ST3GAL6: variants seen among roughly 807,000 people sequenced by gnomAD.
ST3GAL6 encodes ST3 beta-galactoside alpha-2,3-sialyltransferase 6, also known as type 2 lactosamine alpha-2,3-sialyltransferase.
In ST3GAL6, 31 loss-of-function variants were observed where a neutral mutation model predicts 40.5. The ratio of observed to expected loss-of-function variants is 0.77; its 90% confidence interval spans 0.58 to 1.03. ST3GAL6 has a LOEUF of 1.03. Ranked by LOEUF, ST3GAL6 falls within the 50% of genes least tolerant of loss-of-function variation. The pLI, the probability that ST3GAL6 is intolerant of heterozygous loss-of-function variation, is 0.00. For synonymous variants in ST3GAL6, 129 were observed against 136.9 expected, an observed-to-expected ratio of 0.94 and a Z score of 0.40; for missense variants, 357 against 393.2, an observed-to-expected ratio of 0.91 and a Z score of 0.78.
Position 98,773,974 on chromosome 3 carries a change from A to T in ST3GAL6, c.326A>T (p.Glu109Val), listed in dbSNP as rs778250832. ...SKLQSCDLFD[E>V]FDNIPCKKCV... ...CTGCAGAGTTGTGATCTCTTTGATGAGTTTGACAAGTGAGTTTATTTCCTT... is the reference window on the plus strand; with the variant it reads ...CTGCAGAGTTGTGATCTCTTTGATGTGTTTGACAAGTGAGTTTATTTCCTT... Residue 109 changes from glutamate (E) to valine (V), a missense_variant, in exon 5 of 10, where the codon GAG (glutamate) becomes GTG (valine). By Grantham distance (121) the Glu-to-Val change is moderately radical. Coordinates refer to ENST00000483910, the MANE Select transcript of ST3GAL6 (RefSeq NM_001323368.2). 4 of 1,612,304 alleles carry T rather than the reference A, an allele frequency of 2.5e-6. No individual in the cohort carries two copies. In the African/African-American group the frequency reaches 5.3e-5, roughly 22 times the overall value.
rs774369138 is a variant in ST3GAL6 at position 98,773,921 on chromosome 3, G to T, written c.273G>T (p.Ala91=). The part of the protein sequence containing the change: ...FDLPYGMRTS[A]EYFRLALSKL... ...CATAACACTCCATTTGTTTTCTAGCGGAATATTTTCGACTTGCTCTTTCAA... is the reference window on the plus strand; with the variant it reads ...CATAACACTCCATTTGTTTTCTAGCTGAATATTTTCGACTTGCTCTTTCAA... Residue 91 remains alanine (A), a splice_region_variant and synonymous_variant, in exon 5 of 10, where the codon GCG becomes GCT. Transcript: ENST00000483910. The T allele has an allele frequency of 6.2e-7, 1 of 1,612,280 alleles. No homozygotes were observed. The highest frequency in any genetic ancestry group is 8.5e-7 in the Non-Finnish European group (1 of 1,178,582).
intron 6 of ST3GAL6, among the ~76,000 whole-genome samples, chr3:98,786,300 A>T (rs1410121402): frequency 2.0e-5 from 3 of 152,176 alleles, no homozygotes; most frequent in Non-Finnish European, 4.4e-5. Flanking sequence ...AGAAAAAGGA[A>T]TGTGTAAAAG....
At chr3:98,754,755 A>G (rs1323949497) in intron 1 of ST3GAL6, among the ~76,000 whole-genome samples, 1 of 152,254 alleles carries the variant, frequency 6.6e-6, no homozygotes, top group Non-Finnish European at 1.5e-5. Flanking sequence ...GTTAGTAGCC[A>G]TAAGCACTGA....
intron 1 of ST3GAL6, among the ~76,000 whole-genome samples, chr3:98,748,291 C>T (rs1936716108): frequency 6.6e-6 from 1 of 152,126 alleles, no homozygotes; most frequent in East Asian, 1.9e-4. Context: ...TAGCTTAAGA[C>T]CTTGGGCAAG....
intron 5 of ST3GAL6, among the ~76,000 whole-genome samples, chr3:98,780,951 T>G (rs541597415): frequency 6.6e-6 from 1 of 152,218 alleles, no homozygotes; most frequent in Non-Finnish European, 1.5e-5. Flanking sequence ...ATCCCATTAC[T>G]GGGTATATAC....
At chr3:98,781,232 A>C (rs1940085712) in intron 5 of ST3GAL6, among the ~76,000 whole-genome samples, 1 of 152,222 alleles carries the variant, frequency 6.6e-6, no homozygotes. Context: ...ACAGGAACAG[A>C]AAACCAAACA....
chr3:98,736,362 G>T (rs1935546700), intron 1 of ST3GAL6, among the ~76,000 whole-genome samples: 1 of 152,154 alleles, frequency 6.6e-6, no homozygotes, highest in Non-Finnish European at 1.5e-5. Context: ...TTTGAAAGAT[G>T]GTTTAAACAT....
intron 5 of ST3GAL6, chr3:98,783,635 T>C (rs1940401313): frequency 5.1e-6 from 5 of 985,212 alleles, no homozygotes; most frequent in Non-Finnish European, 6.0e-6. Flanking sequence ...TGGAACCTAC[T>C]GTGACATGAG....
chr3:98,784,102 G>A (rs1317393743), intron 5 of ST3GAL6, among the ~76,000 whole-genome samples: 1 of 152,226 alleles, frequency 6.6e-6, no homozygotes, highest in Non-Finnish European at 1.5e-5. Flanking sequence ...GGGAAACAGT[G>A]TTCTCTTTAG....
At chr3:98,740,090 A>T (rs1935933133) in intron 1 of ST3GAL6, among the ~76,000 whole-genome samples, 1 of 152,196 alleles carries the variant, frequency 6.6e-6, no homozygotes, top group African/African-American at 2.4e-5. Context: ...GCTACAATTA[A>T]ATGATAAATA....
chr3:98,775,296 T>C (rs561015444), intron 5 of ST3GAL6, among the ~76,000 whole-genome samples: 1 of 152,188 alleles, frequency 6.6e-6, no homozygotes, highest in African/African-American at 2.4e-5. Context: ...GCCAACATAG[T>C]GAAACCCAGT....
chr3:98,792,090 G>A (rs1353067082), intron 9 of ST3GAL6, 97 bp downstream of exon 9: 12 of 1,241,266 alleles, frequency 9.7e-6, no homozygotes, highest in African/African-American at 1.5e-5. Flanking sequence ...ATTTTACTGA[G>A]GGACCACGTT....
At chr3:98,784,807 T>A (rs1940527093) in intron 5 of ST3GAL6, 138 bp from the exon 6 acceptor site, 1 of 641,348 alleles carries the variant, frequency 1.6e-6, no homozygotes, top group Admixed American at 2.8e-5. Context: ...AGCTCTAGAC[T>A]TGTAAGTCGC....
chr3:98,788,564 G>A, intron 8 of ST3GAL6, 101 bp downstream of exon 8: 5 of 1,120,646 alleles, frequency 4.5e-6, no homozygotes, highest in Non-Finnish European at 6.1e-6. Context: ...CACAGCTCAT[G>A]AGATGATTTC....
chr3:98,789,274 A>T (rs747520758), intron 8 of ST3GAL6, among the ~76,000 whole-genome samples: 14 of 152,228 alleles, frequency 9.2e-5, no homozygotes, highest in Non-Finnish European at 1.8e-4. Context: ...CAAAAGTGTT[A>T]TATGCTGAAA....
intron 8 of ST3GAL6, among the ~76,000 whole-genome samples, chr3:98,790,013 A>G (rs1410160238): frequency 1.3e-5 from 2 of 152,188 alleles, no homozygotes; most frequent in African/African-American, 4.8e-5. Context: ...TGGAGGTCAT[A>G]TTGGTGATAT....
At chr3:98,775,931 C>T (rs1241721803) in intron 5 of ST3GAL6, among the ~76,000 whole-genome samples, 1 of 152,142 alleles carries the variant, frequency 6.6e-6, no homozygotes, top group Non-Finnish European at 1.5e-5. Flanking sequence ...AATGTATAGT[C>T]AGAGACTCTA....
rs1294895058 is a variant in ST3GAL6, at chr3:98,784,883, G to T, written c.336-62G>T. On this transcript the variant is annotated intron_variant, in intron 5 of 9. Coordinates refer to ENST00000483910, the MANE Select transcript of ST3GAL6 (RefSeq NM_001323368.2). Reference sequence around the variant, plus strand: ...CACTGGGTTTCTGACAGTATGCATGGATTCTTGGAATCAGTTTTGTAAAAG... The same window carrying T: ...CACTGGGTTTCTGACAGTATGCATGTATTCTTGGAATCAGTTTTGTAAAAG... 21 of 1,383,618 alleles carry T rather than the reference G, an allele frequency of 1.5e-5. 1 individual carries two copies. In the South Asian group the frequency reaches 2.3e-4, roughly 15 times the overall value. 85.7% of individuals were successfully genotyped at this position (1,383,618 alleles called of 1,614,324 possible).
intron 6 of ST3GAL6, among the ~76,000 whole-genome samples, chr3:98,786,456 G>T (rs572724442): frequency 2.0e-5 from 3 of 152,262 alleles, no homozygotes; most frequent in South Asian, 2.1e-4. Flanking sequence ...AGGACAGAGT[G>T]GTGACCATTG....
Sources: allele counts gnomAD v4.1 joint callset (sites outside exome capture counted in the v4.1 genomes callset), GRCh38; gene constraint gnomAD v4.1.1; transcripts MANE v1.5; gene names NCBI Gene and HGNC (gene_info 2026-07-23, HGNC 2026-07-21).